The following PTN variants were observed in gnomAD, a reference collection of about 807,000 sequenced individuals.
PTN encodes the protein pleiotrophin, also known as heparin affin regulatory protein.
A neutral mutation model predicts 24.1 loss-of-function variants in PTN; 18 were observed. The ratio of observed to expected loss-of-function variants is 0.75; its 90% confidence interval spans 0.52 to 1.11. PTN has a LOEUF of 1.11. PTN is among the 50% of genes least tolerant of loss of function. The pLI is 0.00. For missense variants in PTN, 163 were observed against 198.8 expected (o/e 0.82, Z 1.08); for synonymous variants, 78 against 68.6 (o/e 1.14, Z -0.67).
chr7:137,298,745 G>T (rs1809759007), intron 1 of PTN, among the ~76,000 whole-genome samples: 2 of 151,944 alleles, frequency 1.3e-5, no homozygotes, highest in Admixed American at 1.3e-4. Flanking sequence ...CCTCTCAACA[G>T]GGGTTAGGGT....
intron 1 of PTN, 60 bp downstream of exon 1, chr7:137,343,379 A>C: frequency 2.3e-6 from 1 of 441,404 alleles, no homozygotes; most frequent in South Asian, 1.6e-5. Flanking sequence ...AAAGTGGCAC[A>C]GGGTGAAGGC....
chr7:137,239,528 C>T (rs943160415), intron 4 of PTN, among the ~76,000 whole-genome samples: 1 of 152,014 alleles, frequency 6.6e-6, no homozygotes, highest in Non-Finnish European at 1.5e-5. Context: ...TTAGGTATAT[C>T]TCCCAGTGCT....
intron 1 of PTN, among the ~76,000 whole-genome samples, chr7:137,264,948 G>A (rs1383496771): frequency 6.6e-6 from 1 of 150,914 alleles, no homozygotes; most frequent in Non-Finnish European, 1.5e-5. Context: ...GGACCTTACA[G>A]TCTGGGTTAA....
chr7:137,290,626 AATT>A (rs936800498), intron 1 of PTN, among the ~76,000 whole-genome samples: 1 of 152,106 alleles, frequency 6.6e-6, no homozygotes, highest in African/African-American at 2.4e-5. Flanking sequence ...TGAGTAGACA[AATT>A]ATTATTATTA....
chr7:137,288,649 CT>C (rs1200194027), intron 1 of PTN, among the ~76,000 whole-genome samples: 2 of 152,114 alleles, frequency 1.3e-5, no homozygotes, highest in Admixed American at 6.6e-5. Context: ...AAAAAAATTG[CT>C]TCTCAGCCTT....
chr7:137,231,094 A>T (rs779073818), intron 4 of PTN, among the ~76,000 whole-genome samples: 1 of 151,762 alleles, frequency 6.6e-6, no homozygotes, highest in Non-Finnish European at 1.5e-5. Flanking sequence ...TAGAGCACCT[A>T]TCTCTAGCAT....
chr7:137,236,497 G>T (rs1808523738), intron 4 of PTN, among the ~76,000 whole-genome samples: 1 of 152,012 alleles, frequency 6.6e-6, no homozygotes, highest in Non-Finnish European at 1.5e-5. Flanking sequence ...TACACAGACA[G>T]AGAGAGAGAA....
chr7:137,297,489 A>T (rs1809737078), intron 1 of PTN, among the ~76,000 whole-genome samples: 1 of 152,064 alleles, frequency 6.6e-6, no homozygotes, highest in Admixed American at 6.6e-5. Flanking sequence ...TACCAAGGAG[A>T]GATGTTGGAA....
At chr7:137,256,670 G>A (rs1026832529) in intron 1 of PTN, among the ~76,000 whole-genome samples, 2 of 152,050 alleles carry the variant, frequency 1.3e-5, no homozygotes, top group African/African-American at 4.8e-5. Context: ...ATTCCTTTGG[G>A]TATATACTCA....
At chr7:137,255,923 T>C (rs1434244392) in intron 1 of PTN, among the ~76,000 whole-genome samples, 1 of 152,244 alleles carries the variant, frequency 6.6e-6, no homozygotes, top group East Asian at 1.9e-4. Flanking sequence ...TGGTGTGTTA[T>C]ACTTCACATA....
At chr7:137,241,133 G>A (rs1808621433) in intron 4 of PTN, among the ~76,000 whole-genome samples, 1 of 152,116 alleles carries the variant, frequency 6.6e-6, no homozygotes. Context: ...CAACTCTCGT[G>A]AGAACTCACT....
intron 1 of PTN, among the ~76,000 whole-genome samples, chr7:137,278,079 G>A (rs1277745352): frequency 6.6e-6 from 1 of 150,868 alleles, no homozygotes; most frequent in South Asian, 2.1e-4. Flanking sequence ...AGGCCGAGGC[G>A]GGTGGATCAC....
At chr7:137,303,589 G>T (rs1157983396) in intron 1 of PTN, among the ~76,000 whole-genome samples, 3 of 151,876 alleles carry the variant, frequency 2.0e-5, no homozygotes, top group African/African-American at 7.3e-5. Context: ...AGATGTCTGT[G>T]TTATTGGCAT....
chr7:137,254,627 A>G (rs1808887487), intron 2 of PTN, among the ~76,000 whole-genome samples: 1 of 152,030 alleles, frequency 6.6e-6, no homozygotes. Flanking sequence ...TAATTTGATC[A>G]TTATATTAAT....
intron 1 of PTN, among the ~76,000 whole-genome samples, chr7:137,310,040 A>G (rs528858377): frequency 1.1e-4 from 16 of 152,336 alleles, no homozygotes; most frequent in African/African-American, 3.1e-4. Context: ...TTTCTTACAT[A>G]TAACTTGAAA....
At chr7:137,316,364 C>G (rs184120581) in intron 1 of PTN, among the ~76,000 whole-genome samples, 39 of 152,166 alleles carry the variant, frequency 2.6e-4, no homozygotes, top group African/African-American at 8.7e-4. Flanking sequence ...CATTTTCTAC[C>G]CCGAGAATTT....
At chr7:137,270,550 A>G in intron 1 of PTN, among the ~76,000 whole-genome samples, 1 of 152,246 alleles carries the variant, frequency 6.6e-6, no homozygotes, top group Non-Finnish European at 1.5e-5. Context: ...TCATGGTAAT[A>G]TTAAATGATA....
chr7:137,258,432 G>A (rs143155909), intron 1 of PTN, among the ~76,000 whole-genome samples: 152 of 152,210 alleles, frequency 1.0e-3, no homozygotes, highest in African/African-American at 3.4e-3. Flanking sequence ...TGTACAATAC[G>A]TGTTCAACAA....
chr7:137,254,442 A>G (rs1000127323), intron 2 of PTN, among the ~76,000 whole-genome samples: 5 of 152,114 alleles, frequency 3.3e-5, no homozygotes, highest in African/African-American at 1.2e-4. Flanking sequence ...CAGCCTACTT[A>G]TGACTTTGGG....
Sources: allele counts gnomAD v4.1 joint callset (sites outside exome capture counted in the v4.1 genomes callset), GRCh38; gene constraint gnomAD v4.1.1; transcripts MANE v1.5; gene names NCBI Gene and HGNC (gene_info 2026-07-23, HGNC 2026-07-21).